Variants in FGF14 observed in about 807,000 individuals in gnomAD.
FGF14 encodes the protein fibroblast growth factor homologous factor 4.
A neutral mutation model predicts 25.5 loss-of-function variants in FGF14; 5 were observed. The ratio of observed to expected loss-of-function variants is 0.20; its 90% CI spans 0.10 to 0.41. The LOEUF is 0.41. FGF14 is among the 10% of genes least tolerant of loss of function. The pLI, the probability that FGF14 is intolerant of heterozygous loss-of-function variation, is 1.00. For missense variants in FGF14, 222 were observed against 320.1 expected (o/e 0.69, Z 2.34); for synonymous variants, 138 against 118.3 (o/e 1.17, Z -1.08).
At chr13:102,025,790 T>C (rs2040892445) in intron 1 of FGF14, among the ~76,000 whole-genome samples, 1 of 152,112 alleles carries the variant, frequency 6.6e-6, no homozygotes, top group African/African-American at 2.4e-5. Flanking sequence ...TTAACTTCAC[T>C]TTCAGATTTT....
In FGF14 at chr13:102,161,632, AAGAAGAAGAAGAAGAAGAAG is replaced by A. The variant is rs2047712531; in HGVS notation, c.208+239819_208+239838del. Among the ~76,000 whole-genome samples the A allele has an allele frequency of 1.7e-3, 21 of 12,096 alleles. 1 individual carries two copies. Among genetic ancestry groups the A allele is most frequent in the African/African-American group, 6.6e-3 (16 of 2,426 alleles). The allele number at this position is 12,096 out of a possible 152,430, so 7.9% of individuals were successfully genotyped here. Reference sequence around the variant, plus strand: ...GAAGAAGAAGAAGAAGAAGAAGAAGAAGAAGAAGAAGAAGAAGAAGAAGAAGAAGAAGAAGAAGAAGAAGA... The same window carrying A: ...GAAGAAGAAGAAGAAGAAGAAGAAGAAAGAAGAAGAAGAAGAAGAAGAAGA... On this transcript the variant is annotated intron_variant, in intron 1 of 4. Transcript: ENST00000376131.
intron 1 of FGF14, among the ~76,000 whole-genome samples, chr13:102,275,287 T>TCTCTCTCTCTCTGC: frequency 1.4e-5 from 2 of 147,362 alleles, no homozygotes; most frequent in East Asian, 4.2e-4. Flanking sequence ...TCTCTCTCTC[T>TCTCTCTCTCTCTGC]GCCACTCTAA....
chr13:102,227,937 ACT>A (rs2050903118), intron 1 of FGF14, among the ~76,000 whole-genome samples: 1 of 151,900 alleles, frequency 6.6e-6, no homozygotes, highest in East Asian at 1.9e-4. Context: ...CACATTTTTG[ACT>A]CTCAGACACT....
intron 1 of FGF14, among the ~76,000 whole-genome samples, chr13:102,070,285 A>G (rs1444275805): frequency 6.6e-6 from 1 of 152,270 alleles, no homozygotes; most frequent in Non-Finnish European, 1.5e-5. Flanking sequence ...AAGGTGGTCA[A>G]TATCATTCAT....
intron 1 of FGF14, among the ~76,000 whole-genome samples, chr13:102,327,129 T>C (rs1312066410): frequency 6.6e-6 from 1 of 152,210 alleles, no homozygotes; most frequent in Non-Finnish European, 1.5e-5. Flanking sequence ...TGCCAAGTAA[T>C]GGTCTACCAG....
At chr13:102,189,479 C>A (rs1309118049) in intron 1 of FGF14, among the ~76,000 whole-genome samples, 2 of 152,104 alleles carry the variant, frequency 1.3e-5, no homozygotes, top group African/African-American at 2.4e-5. Flanking sequence ...AAAAGAAGAA[C>A]TAAACTTGAA....
At chr13:102,060,223 A>G (rs1316558229) in intron 1 of FGF14, among the ~76,000 whole-genome samples, 1 of 151,984 alleles carries the variant, frequency 6.6e-6, no homozygotes, top group Non-Finnish European at 1.5e-5. Context: ...GGGACACTCA[A>G]CCTGTAAAGA....
intron 1 of FGF14, among the ~76,000 whole-genome samples, chr13:101,993,204 A>C (rs78251137): frequency 0.035 from 5,167 of 146,098 alleles, 262 homozygotes; most frequent in African/African-American, 0.12. Flanking sequence ...AAAAAAAAAA[A>C]CCCACACAAA....
At chr13:101,898,424 T>C (rs1284341120) in intron 1 of FGF14, among the ~76,000 whole-genome samples, 3 of 151,024 alleles carry the variant, frequency 2.0e-5, no homozygotes, top group Admixed American at 6.6e-5. Flanking sequence ...CCGTCACAGA[T>C]TTTATTAAAA....
chr13:102,233,758 T>C (rs2051193970), intron 1 of FGF14, among the ~76,000 whole-genome samples: 1 of 152,212 alleles, frequency 6.6e-6, no homozygotes, highest in Non-Finnish European at 1.5e-5. Flanking sequence ...AGCTTACTCT[T>C]GTCGACACAC....
At chr13:102,152,184 T>C (rs1173939672) in intron 1 of FGF14, among the ~76,000 whole-genome samples, 1 of 152,224 alleles carries the variant, frequency 6.6e-6, no homozygotes, top group Non-Finnish European at 1.5e-5. Context: ...AATTTTTTGC[T>C]ACTGATGACA....
intron 1 of FGF14, among the ~76,000 whole-genome samples, chr13:102,161,648 A>AG (rs2047731706): frequency 3.3e-4 from 6 of 18,412 alleles, no homozygotes; most frequent in Non-Finnish European, 5.4e-4. Flanking sequence ...AAGAAGAAGA[A>AG]GAAGAAGAAG....
In FGF14 at chr13:101,831,725, A is replaced by G. The variant is rs79258312; in HGVS notation, c.408+37000T>C. On this transcript the variant is annotated intron_variant, in intron 3 of 4. Coordinates refer to ENST00000376143, the MANE Select transcript of FGF14 (RefSeq NM_004115.4). ...GATCTTTGCCTCAATTCACCTGTCA[A>G]TGAGCTAGAAAGTTGATAGATCAAT... Among the ~76,000 whole-genome samples the G allele has an allele frequency of 6.0e-3, 919 of 152,250 alleles. 9 individuals carry two copies. Among genetic ancestry groups the G allele is most frequent in the African/African-American group, 0.021 (872 of 41,550 alleles).
chr13:101,799,683 G>A lies in FGF14; in HGVS notation c.408+69042C>T, dbSNP rs562378638. ...GAAGATCGTTGATTCTGCTCTACCT[G>A]GCAGACCCTTCCCACTTCCTTCCCA... On this transcript the variant is annotated intron_variant, in intron 3 of 4. Coordinates refer to ENST00000376143, the MANE Select transcript of FGF14 (RefSeq NM_004115.4). Among the ~76,000 whole-genome samples the A allele has an allele frequency of 1.3e-3, 205 of 152,012 alleles. 1 individual carries two copies. The highest frequency in any genetic ancestry group is 4.7e-3 in the African/African-American group (197 of 41,492).
At chr13:101,781,926 C>T (rs957607990) in intron 3 of FGF14, among the ~76,000 whole-genome samples, 17 of 152,202 alleles carry the variant, frequency 1.1e-4, no homozygotes, top group African/African-American at 4.1e-4. Context: ...ACTATGCTTT[C>T]ATTTTTCTCT....
intron 1 of FGF14, among the ~76,000 whole-genome samples, chr13:102,289,790 G>A (rs888502927): frequency 3.9e-5 from 6 of 152,116 alleles, no homozygotes; most frequent in African/African-American, 1.4e-4. Context: ...CTCAACACAT[G>A]CTTAGAGGAT....
rs1407730027 is a variant in FGF14 at position 102,165,661 on chromosome 13, G to A, written c.208+235810C>T. On this transcript the variant is annotated intron_variant, in intron 1 of 4. Coordinates refer to the FGF14 transcript ENST00000376131. ...AGGGGAACATCACATACTGGGGCCT[G>A]TTGTGGGTGGGGGGAGGGGGGAGGG... Among the ~76,000 whole-genome samples the A allele has an allele frequency of 9.7e-4, 3 of 3,094 alleles. No homozygotes were observed. The East Asian group carries it at 0.19, about 193-fold the overall frequency. 2.0% of individuals were successfully genotyped at this position (3,094 alleles called of 152,430 possible). A position where few individuals can be genotyped will look rare whatever the true frequency, so the allele number is the denominator to read the frequency against.
At chr13:102,362,870 T>G (rs2057606475) in intron 1 of FGF14, among the ~76,000 whole-genome samples, 1 of 152,144 alleles carries the variant, frequency 6.6e-6, no homozygotes, top group African/African-American at 2.4e-5. Context: ...CAGATTAAAA[T>G]AATAACTATC....
chr13:102,311,990 G>A (rs2055791684), intron 1 of FGF14, among the ~76,000 whole-genome samples: 1 of 152,024 alleles, frequency 6.6e-6, no homozygotes, highest in Non-Finnish European at 1.5e-5. Flanking sequence ...CATATTTATG[G>A]GTTAATAACA....
Sources: allele counts gnomAD v4.1 joint callset (sites outside exome capture counted in the v4.1 genomes callset), GRCh38; gene constraint gnomAD v4.1.1; transcripts MANE v1.5; gene names NCBI Gene and HGNC (gene_info 2026-07-23, HGNC 2026-07-21).